Variants in SCN8A observed in about 807,000 individuals in gnomAD.
The protein encoded by SCN8A is sodium voltage-gated channel alpha subunit 8.
Under a neutral mutation model 184.1 loss-of-function variants are expected in SCN8A, and 30 were observed. The ratio of observed to expected loss-of-function variants is 0.16; its 90% CI spans 0.12 to 0.22. SCN8A has a LOEUF of 0.22. SCN8A is among the 10% of genes least tolerant of loss of function. The pLI is 1.00. For synonymous variants in SCN8A, 852 were observed against 907.0 expected, an observed-to-expected ratio of 0.94 and a Z score of 1.09; for missense variants, 1,057 against 2,498.9, an observed-to-expected ratio of 0.42 and a Z score of 12.30.
intron 1 of SCN8A, among the ~76,000 whole-genome samples, chr12:51,626,673 T>C (rs570017495): frequency 6.6e-6 from 1 of 152,246 alleles, no homozygotes; most frequent in East Asian, 1.9e-4. Context: ...ATGTTTCTCT[T>C]CCTTATAAAC....
chr12:51,624,075 T>G (rs1565863455), intron 1 of SCN8A, among the ~76,000 whole-genome samples: 1 of 152,226 alleles, frequency 6.6e-6, no homozygotes, highest in Non-Finnish European at 1.5e-5. Flanking sequence ...TAAACATATG[T>G]GTGCATGTGT....
At chr12:51,713,483 G>A (rs1161730097) in intron 11 of SCN8A, 1 of 767,746 alleles carries the variant, frequency 1.3e-6, no homozygotes, top group African/African-American at 1.7e-5. Flanking sequence ...TCAAAGTTCA[G>A]ACTACCAATA....
chr12:51,595,796 T>C (rs1327703842), intron 1 of SCN8A, among the ~76,000 whole-genome samples: 2 of 152,218 alleles, frequency 1.3e-5, no homozygotes, highest in African/African-American at 4.8e-5. Flanking sequence ...ATGTACTGTA[T>C]TGAATTTCAG....
At chr12:51,721,299 T>C (rs1251162086) in intron 11 of SCN8A, among the ~76,000 whole-genome samples, 1 of 151,744 alleles carries the variant, frequency 6.6e-6, no homozygotes, top group Non-Finnish European at 1.5e-5. Flanking sequence ...TAAAAGCATC[T>C]TAGGGATGCG....
At chr12:51,638,028 A>G (rs1940357075) in intron 1 of SCN8A, among the ~76,000 whole-genome samples, 1 of 152,132 alleles carries the variant, frequency 6.6e-6, no homozygotes, top group African/African-American at 2.4e-5. Context: ...GCCTCTTAAG[A>G]ATTATACTAG....
chr12:51,715,662 A>C (rs1941953799), intron 11 of SCN8A, among the ~76,000 whole-genome samples: 1 of 148,782 alleles, frequency 6.7e-6, no homozygotes. Context: ...TGTCTCAAAA[A>C]AAAAAAAAAA....
chr12:51,712,372 T>G (rs997946764), intron 11 of SCN8A: 1 of 670,680 alleles, frequency 1.5e-6, no homozygotes, highest in Non-Finnish European at 2.7e-6. Context: ...TCTAATGCAT[T>G]TGGGACGACT....
chr12:51,681,699 A>G (rs1417899842), intron 2 of SCN8A, among the ~76,000 whole-genome samples: 1 of 152,248 alleles, frequency 6.6e-6, no homozygotes, highest in African/African-American at 2.4e-5. Flanking sequence ...GTACAATGTC[A>G]AACACTAGGG....
chr12:51,683,997 G>A (rs1432051943), intron 2 of SCN8A, among the ~76,000 whole-genome samples, 177 bp from the exon 3 acceptor site: 1 of 152,174 alleles, frequency 6.6e-6, no homozygotes, highest in Non-Finnish European at 1.5e-5. Context: ...TCTGGGCAGG[G>A]CAGAGGGAGG....
chr12:51,679,720 C>CTTT (rs1941292945), intron 2 of SCN8A, among the ~76,000 whole-genome samples: 1 of 99,682 alleles, frequency 1.0e-5, no homozygotes, highest in African/African-American at 4.1e-5. Flanking sequence ...GACTATCTTG[C>CTTT]CTTTTTTTTT....
intron 13 of SCN8A, among the ~76,000 whole-genome samples, chr12:51,747,114 T>TGTGTGTGC: frequency 6.8e-6 from 1 of 146,434 alleles, no homozygotes; most frequent in African/African-American, 2.7e-5. Flanking sequence ...TGTGTGTGTG[T>TGTGTGTGC]GTGTGTGTGT....
At chr12:51,788,985 G>C (rs1455852109) in intron 23 of SCN8A, among the ~76,000 whole-genome samples, 1 of 152,180 alleles carries the variant, frequency 6.6e-6, no homozygotes, top group Non-Finnish European at 1.5e-5. Context: ...CGTGGCCCCA[G>C]TGAAGCTGTC....
chr12:51,800,272 C>T (rs527685495), intron 26 of SCN8A, among the ~76,000 whole-genome samples: 17 of 152,320 alleles, frequency 1.1e-4, no homozygotes, highest in South Asian at 6.2e-4. Context: ...GCAATGAAAC[C>T]GCATCTGGTA....
At chr12:51,712,698 C>G in intron 11 of SCN8A, 1 of 903,930 alleles carries the variant, frequency 1.1e-6, no homozygotes, top group South Asian at 1.3e-5. Context: ...CTACCATATC[C>G]ACCACACCAC....
At chr12:51,706,861 C>T (rs946818609) in intron 11 of SCN8A, 146 bp downstream of exon 11, 1 of 553,956 alleles carries the variant, frequency 1.8e-6, no homozygotes, top group Non-Finnish European at 2.8e-6. Flanking sequence ...CCTCTTTCAT[C>T]CCCTCTATCC....
In SCN8A at chr12:51,706,430, G is replaced by A. The variant is rs779130227; in HGVS notation, c.1350G>A (p.Ala450=). ...TGTGGCTTCTTTCCTAGGCTGCTGC[G>A]ATGGCCACTTCAGCAGGAACTGTCT... ...KKQQEEAQAA[A]MATSAGTVSE... is the part of the protein sequence containing the mutation. Residue 450 remains alanine, a synonymous_variant, in exon 11 of 27, where the codon GCG becomes GCA. Coordinates refer to ENST00000627620, the MANE Select transcript of SCN8A (RefSeq NM_001330260.2). 5.3e-5 allele frequency: 84 copies of A among 1,584,130 alleles called. 2 individuals are homozygous for A. Among genetic ancestry groups the A allele is most frequent in the South Asian group, 2.8e-4 (24 of 84,952 alleles).
intron 1 of SCN8A, among the ~76,000 whole-genome samples, chr12:51,661,110 C>T (rs1940916378): frequency 6.6e-6 from 1 of 152,072 alleles, no homozygotes; most frequent in African/African-American, 2.4e-5. Context: ...AGATGGGGCA[C>T]CAGAGCATTT....
At chr12:51,754,933 G>A (rs117802804) in intron 14 of SCN8A, among the ~76,000 whole-genome samples, 1 of 152,174 alleles carries the variant, frequency 6.6e-6, no homozygotes, top group South Asian at 2.1e-4. Context: ...TTAAGGAGGT[G>A]TCTGCCAGGC....
chr12:51,724,514 G>A (rs1263005339), intron 12 of SCN8A, among the ~76,000 whole-genome samples: 2 of 152,108 alleles, frequency 1.3e-5, no homozygotes, highest in Non-Finnish European at 1.5e-5. Context: ...CAAAATAAAT[G>A]TTATAGATAC....
Sources: gnomAD v4.1 joint callset for allele counts (sites outside exome capture counted in the v4.1 genomes callset) on GRCh38, gnomAD v4.1.1 for gene constraint, MANE v1.5 for transcripts, NCBI Gene and HGNC (gene_info 2026-07-23, HGNC 2026-07-21) for gene names.